Variants in GRIA4 observed in about 807,000 individuals in gnomAD.
GRIA4 encodes glutamate receptor 4.
A neutral mutation model predicts 104.0 loss-of-function variants in GRIA4; 34 were observed. The ratio of observed to expected loss-of-function variants is 0.33; its 90% confidence interval spans 0.25 to 0.44. The LOEUF (loss-of-function observed/expected upper bound fraction) is 0.44. Among genes scored for constraint, GRIA4 ranks in the 20% least tolerant of loss-of-function variants. The pLI, the probability that GRIA4 is intolerant of heterozygous loss-of-function variation, is 1.00. For synonymous variants in GRIA4, 386 were observed against 381.9 expected (o/e 1.01, Z -0.13); for missense variants, 750 against 1,096.5 (o/e 0.68, Z 4.46).
At chr11:105,888,271 C>CTTTT (rs71469040) in intron 6 of GRIA4, among the ~76,000 whole-genome samples, 5,158 of 54,570 alleles carry the variant, frequency 0.095, 1,539 homozygotes, top group Non-Finnish European at 0.12. Context: ...ATGTTTTCTC[C>CTTTT]TTTTTTTTTT....
intron 4 of GRIA4, among the ~76,000 whole-genome samples, chr11:105,859,832 C>T (rs967254502): frequency 5.9e-5 from 9 of 151,968 alleles, no homozygotes; most frequent in African/African-American, 2.2e-4. Context: ...CATTTTAAGT[C>T]GAAGAACATG....
At chr11:105,662,007 TTGTGTG>T (rs34715406) in intron 3 of GRIA4, among the ~76,000 whole-genome samples, 1 of 149,850 alleles carries the variant, frequency 6.7e-6, no homozygotes, top group African/African-American at 2.4e-5. Flanking sequence ...GTGTGTGTGT[TTGTGTG>T]TGTGTGTGTG....
At chr11:105,827,618 TA>T (rs915485977) in intron 4 of GRIA4, among the ~76,000 whole-genome samples, 14 of 151,662 alleles carry the variant, frequency 9.2e-5, no homozygotes, top group Non-Finnish European at 1.9e-4. Flanking sequence ...TAATGAGATC[TA>T]AAAAAAACTG....
In GRIA4 at chr11:105,966,129, T is replaced by G; in HGVS notation, c.2295-5785T>G. The G allele has an allele frequency of 7.0e-6, 8 of 1,137,054 alleles. No homozygotes were observed. In the South Asian group the frequency reaches 8.8e-5, roughly 13 times the overall value. The allele number at this position is 1,137,054 out of a possible 1,614,324, so 70.4% of individuals were successfully genotyped here. ...GTAATAGGTGCATCTGCTGGGAGAC[T>G]TATGGTTTGGACCTCCTAATACCAG... On this transcript the variant is annotated intron_variant, in intron 14 of 16. Coordinates refer to ENST00000282499, the MANE Select transcript of GRIA4 (RefSeq NM_000829.4).
chr11:105,796,124 G>T (rs966627314), intron 4 of GRIA4, among the ~76,000 whole-genome samples: 1 of 151,970 alleles, frequency 6.6e-6, no homozygotes, highest in Admixed American at 6.6e-5. Flanking sequence ...TTTATCTTCA[G>T]CCAAACCCTC....
intron 3 of GRIA4, among the ~76,000 whole-genome samples, chr11:105,743,601 T>C (rs1939460246): frequency 6.6e-6 from 1 of 152,192 alleles, no homozygotes; most frequent in Non-Finnish European, 1.5e-5. Flanking sequence ...TTAAACCATT[T>C]CTTCTTGCTC....
At chr11:105,766,567 T>C (rs548451383) in intron 4 of GRIA4, among the ~76,000 whole-genome samples, 3 of 152,204 alleles carry the variant, frequency 2.0e-5, no homozygotes, top group Non-Finnish European at 2.9e-5. Context: ...AAATCTTGAC[T>C]GGGCCTGTGT....
At chr11:105,630,076 AGTT>A (rs1950993222) in intron 3 of GRIA4, among the ~76,000 whole-genome samples, 2 of 152,114 alleles carry the variant, frequency 1.3e-5, no homozygotes, top group African/African-American at 4.8e-5. Context: ...TTCTTTAGGT[AGTT>A]TTTTCTGACC....
chr11:105,830,704 A>G (rs1425944155), intron 4 of GRIA4, among the ~76,000 whole-genome samples: 1 of 152,056 alleles, frequency 6.6e-6, no homozygotes, highest in Non-Finnish European at 1.5e-5. Flanking sequence ...TCAATTGGAC[A>G]TAGGCATAAC....
chr11:105,923,037 G>A lies in GRIA4; in HGVS notation c.1477-1362G>A, dbSNP rs181233936. Among the ~76,000 whole-genome samples the A allele has an allele frequency of 2.6e-3, 400 of 152,138 alleles. 2 individuals are homozygous for A. Among genetic ancestry groups the A allele is most frequent in the African/African-American group, 8.3e-3 (346 of 41,516 alleles). On this transcript the variant is annotated intron_variant, in intron 11 of 16. Coordinates refer to ENST00000282499, the MANE Select transcript of GRIA4 (RefSeq NM_000829.4). ...AATTCTCAGTCACCCAGGGAGACGT[G>A]ACTAAAACGTGCCTTCCCCATTCTA...
intron 10 of GRIA4, 71 bp from the exon 11 acceptor site, chr11:105,918,641 T>C (rs1018012625): frequency 2.7e-6 from 2 of 751,540 alleles, no homozygotes; most frequent in Admixed American, 2.2e-5. Context: ...AATTCTGAAA[T>C]TGGAAAGTTA....
At chr11:105,656,336 G>A (rs1480160112) in intron 3 of GRIA4, among the ~76,000 whole-genome samples, 1 of 151,962 alleles carries the variant, frequency 6.6e-6, no homozygotes, top group Non-Finnish European at 1.5e-5. Context: ...AACTGAAACT[G>A]GACCCCTCCC....
chr11:105,706,535 T>A (rs1351330604), intron 3 of GRIA4: 2 of 153,330 alleles, frequency 1.3e-5, no homozygotes, highest in Admixed American at 6.5e-5. Flanking sequence ...GAAAGTCAAT[T>A]GACTTAAAGG....
intron 9 of GRIA4, among the ~76,000 whole-genome samples, chr11:105,908,422 G>A (rs1217261916): frequency 1.3e-5 from 2 of 152,144 alleles, no homozygotes. Context: ...AGACTAGAGA[G>A]AGAAATTCCA....
chr11:105,752,476 G>A (rs143510602), intron 3 of GRIA4, among the ~76,000 whole-genome samples: 105 of 152,250 alleles, frequency 6.9e-4, no homozygotes, highest in African/African-American at 2.1e-3. Flanking sequence ...AATTTAGGCG[G>A]AGTGAAAACT....
chr11:105,932,329 G>A (rs915159037), intron 13 of GRIA4, among the ~76,000 whole-genome samples: 3 of 151,954 alleles, frequency 2.0e-5, no homozygotes, highest in African/African-American at 7.2e-5. Flanking sequence ...AGTAGACACA[G>A]GGTTTCACCA....
rs201510589 is a variant in GRIA4 at position 105,825,866 on chromosome 11, AT to A, written c.488-36156del. Among the ~76,000 whole-genome samples, 961 of 152,168 alleles carry A rather than the reference AT, an allele frequency of 6.3e-3. 17 individuals carry two copies. The highest frequency in any genetic ancestry group is 0.022 in the African/African-American group (915 of 41,526). On this transcript the variant is annotated intron_variant, in intron 4 of 16. Transcript: ENST00000282499. Reference sequence around the variant, plus strand: ...TACAGGCATACAATACCAATTATATATTCTGCGTGGAAGCTGCAAAAATAGT... The same window carrying A: ...TACAGGCATACAATACCAATTATATATCTGCGTGGAAGCTGCAAAAATAGT...
At chr11:105,735,501 C>A (rs1938877795) in intron 3 of GRIA4, among the ~76,000 whole-genome samples, 1 of 152,186 alleles carries the variant, frequency 6.6e-6, no homozygotes, top group Non-Finnish European at 1.5e-5. Context: ...GGTAGACATT[C>A]CTTTCTCACA....
intron 14 of GRIA4, among the ~76,000 whole-genome samples, chr11:105,966,602 C>T (rs904178087): frequency 2.0e-5 from 3 of 152,102 alleles, no homozygotes; most frequent in Non-Finnish European, 4.4e-5. Flanking sequence ...TTTTGCCTTC[C>T]ATAAATGGAT....
Sources: gnomAD v4.1 joint callset for allele counts (sites outside exome capture counted in the v4.1 genomes callset) on GRCh38, gnomAD v4.1.1 for gene constraint, MANE v1.5 for transcripts, NCBI Gene and HGNC (gene_info 2026-07-23, HGNC 2026-07-21) for gene names.